KCNH5: variants seen among roughly 807,000 people sequenced by gnomAD.
KCNH5 encodes voltage-gated delayed rectifier potassium channel KCNH5.
A neutral mutation model predicts 96.1 loss-of-function variants in KCNH5; 46 were observed. That is an observed-to-expected ratio of 0.48 (90% CI 0.38 to 0.61). The LOEUF is 0.61. Among genes scored for constraint, KCNH5 ranks in the 20% least tolerant of loss-of-function variants. The probability of loss-of-function intolerance (pLI) is 0.00; values close to 1 mark genes in which losing one functional copy is unlikely to be tolerated. For missense variants in KCNH5, 907 were observed against 1,225.8 expected, an observed-to-expected ratio of 0.74 and a Z score of 3.88; for synonymous variants, 439 against 449.8, an observed-to-expected ratio of 0.98 and a Z score of 0.30.
chr14:62,913,307 A>G (rs558578383), intron 7 of KCNH5, among the ~76,000 whole-genome samples: 13 of 152,068 alleles, frequency 8.5e-5, no homozygotes, highest in Admixed American at 6.5e-4. Flanking sequence ...GGCTCACTGC[A>G]ACGTCCGCCT....
chr14:63,027,496 T>G (rs901158733), intron 1 of KCNH5, among the ~76,000 whole-genome samples: 20 of 147,050 alleles, frequency 1.4e-4, no homozygotes, highest in African/African-American at 4.8e-4. Flanking sequence ...AAAAAAAAAC[T>G]CTGAGTTGTT....
At chr14:63,044,995 C>A (rs1891895659) in intron 1 of KCNH5, 119 bp downstream of exon 1, 3 of 815,906 alleles carry the variant, frequency 3.7e-6, no homozygotes, top group Non-Finnish European at 6.1e-6. Flanking sequence ...TAAATGAAAC[C>A]ACCAGGTAAG....
Position 62,779,863 on chromosome 14 carries a change from C to T in KCNH5, c.1884G>A (p.Ala628=), listed in dbSNP as rs776100358. The part of the protein sequence containing the change: ...WKETTLAHAC[A]NVRALTYCDL... ...CACAGTACGTCAGTGCCCGGACGTT[C>T]GCACATGCATGGGCAAGGGTGGTTT... The change falls in exon 10 of 11, where the codon GCG becomes GCA. Residue 628 remains alanine, a synonymous_variant. Transcript: ENST00000322893. 3.4e-5 allele frequency: 55 copies of T among 1,613,428 alleles called. No homozygotes were observed. The highest frequency in any genetic ancestry group is 2.1e-4 in the African/African-American group (16 of 74,832).
Position 62,965,465 on chromosome 14 carries a change from T to C in KCNH5, c.943-14906A>G, listed in dbSNP as rs1437301297. On this transcript the variant is annotated intron_variant, in intron 6 of 10. Coordinates refer to ENST00000322893, the MANE Select transcript of KCNH5 (RefSeq NM_139318.5). Reference sequence around the variant, plus strand: ...CTCATATGTCTGCTTGTCCTTTGACTTTCTCCACAAGGTTATGATGCAGCA... The same window carrying C: ...CTCATATGTCTGCTTGTCCTTTGACCTTCTCCACAAGGTTATGATGCAGCA... 2.6e-5 allele frequency among the ~76,000 whole-genome samples: 4 copies of C among 152,140 alleles called. No homozygotes were observed. In the East Asian group the frequency reaches 5.8e-4, roughly 22 times the overall value.
intron 7 of KCNH5, among the ~76,000 whole-genome samples, chr14:62,907,727 A>G (rs931999027): frequency 7.9e-5 from 12 of 152,218 alleles, no homozygotes; most frequent in African/African-American, 2.9e-4. Context: ...CTGTGCACTC[A>G]TGGCCTTTCT....
chr14:62,963,264 G>A (rs1006850508), intron 6 of KCNH5, among the ~76,000 whole-genome samples: 1 of 152,086 alleles, frequency 6.6e-6, no homozygotes, highest in Non-Finnish European at 1.5e-5. Flanking sequence ...AGGTACGTCT[G>A]TATAGGAGAA....
chr14:62,737,437 T>TAG (rs1158465438), intron 10 of KCNH5, among the ~76,000 whole-genome samples: 1 of 152,182 alleles, frequency 6.6e-6, no homozygotes, highest in East Asian at 1.9e-4. Context: ...TTGCCTCACT[T>TAG]ACCTGGCATA....
At chr14:62,791,563 G>A (rs914974448) in intron 9 of KCNH5, among the ~76,000 whole-genome samples, 1 of 151,630 alleles carries the variant, frequency 6.6e-6, no homozygotes, top group Admixed American at 6.6e-5. Context: ...CACATGGGCT[G>A]AAAGTTAAAG....
rs192631266 is a variant in KCNH5 at position 62,752,391 on chromosome 14, C to G, written c.2019+27337G>C. 1.1e-3 allele frequency among the ~76,000 whole-genome samples: 164 copies of G among 152,104 alleles called. 1 individual carries two copies. The highest frequency in any genetic ancestry group is 3.7e-3 in the African/African-American group (155 of 41,502). Reference sequence around the variant, plus strand: ...GCTTGAACGCAGTGGGGAAGAGCATCAAGTGGGCTCTTGGGGTCCCAGATT... The same window carrying G: ...GCTTGAACGCAGTGGGGAAGAGCATGAAGTGGGCTCTTGGGGTCCCAGATT... On this transcript the variant is annotated intron_variant, in intron 10 of 10. Coordinates refer to ENST00000322893, the MANE Select transcript of KCNH5 (RefSeq NM_139318.5).
intron 7 of KCNH5, among the ~76,000 whole-genome samples, chr14:62,877,562 G>A (rs958628190): frequency 5.9e-5 from 9 of 152,138 alleles, no homozygotes; most frequent in Non-Finnish European, 1.3e-4. Flanking sequence ...CTCAAAACAA[G>A]ACATTTATGC....
intron 8 of KCNH5, among the ~76,000 whole-genome samples, chr14:62,849,000 T>TA (rs896446569): frequency 6.6e-6 from 1 of 152,202 alleles, no homozygotes; most frequent in African/African-American, 2.4e-5. Context: ...TGGTTTTATT[T>TA]ATTTTAAGGA....
chr14:62,929,957 C>T (rs1027716452), intron 7 of KCNH5, among the ~76,000 whole-genome samples: 1 of 152,072 alleles, frequency 6.6e-6, no homozygotes, highest in Admixed American at 6.6e-5. Context: ...CTGCAAAAGA[C>T]ATGATTTCAT....
chr14:62,779,556 T>A (rs1395421852), intron 10 of KCNH5, among the ~76,000 whole-genome samples, 172 bp downstream of exon 10: 1 of 152,226 alleles, frequency 6.6e-6, no homozygotes, highest in East Asian at 1.9e-4. Context: ...ATAGGGTTTT[T>A]TTCCTTAAAA....
intron 4 of KCNH5, among the ~76,000 whole-genome samples, chr14:62,995,384 A>C (rs1890888172): frequency 6.6e-6 from 1 of 152,078 alleles, no homozygotes; most frequent in Non-Finnish European, 1.5e-5. Flanking sequence ...AATTTTTATC[A>C]ATGAAGTATT....
intron 6 of KCNH5, among the ~76,000 whole-genome samples, 156 bp downstream of exon 6, chr14:62,980,716 T>C (rs556231870): frequency 6.6e-6 from 1 of 152,314 alleles, no homozygotes; most frequent in East Asian, 1.9e-4. Flanking sequence ...GAAAACTAAT[T>C]TAAGGTAATC....
chr14:62,865,334 A>T lies in KCNH5; in HGVS notation c.1370-15482T>A, dbSNP rs541362749. 2.7e-3 allele frequency among the ~76,000 whole-genome samples: 80 copies of T among 29,112 alleles called. 1 individual carries two copies. The East Asian group carries it at 0.041, about 15-fold the overall frequency. The allele number at this position is 29,112 out of a possible 152,430, so 19.1% of individuals were successfully genotyped here. A position where few individuals can be genotyped will look rare whatever the true frequency, so the allele number is the denominator to read the frequency against. On this transcript the variant is annotated intron_variant, in intron 7 of 10. Transcript: ENST00000322893. Reference sequence around the variant, plus strand: ...GGTGAATAAGGGTAAAATGCTATTTAAAAAAAAAAAAAAAAAAGCTTATTC... The same window carrying T: ...GGTGAATAAGGGTAAAATGCTATTTTAAAAAAAAAAAAAAAAAGCTTATTC...
chr14:63,012,905 C>T (rs942701254), intron 2 of KCNH5, among the ~76,000 whole-genome samples: 3 of 150,104 alleles, frequency 2.0e-5, no homozygotes, highest in Non-Finnish European at 4.4e-5. Context: ...AAGCAGAAGA[C>T]AGATTAGAAA....
chr14:62,938,339 T>C (rs948530508), intron 7 of KCNH5, among the ~76,000 whole-genome samples: 22 of 152,310 alleles, frequency 1.4e-4, no homozygotes, highest in African/African-American at 5.3e-4. Context: ...GCTACCACCA[T>C]GTGCCTGGTA....
At chr14:62,975,137 A>G (rs190457518) in intron 6 of KCNH5, among the ~76,000 whole-genome samples, 37 of 152,330 alleles carry the variant, frequency 2.4e-4, no homozygotes, top group Admixed American at 1.8e-3. Flanking sequence ...GTCCTAGACA[A>G]GGCACAAGAC....
Sources: allele counts gnomAD v4.1 joint callset (sites outside exome capture counted in the v4.1 genomes callset), GRCh38; gene constraint gnomAD v4.1.1; transcripts MANE v1.5; gene names NCBI Gene and HGNC (gene_info 2026-07-23, HGNC 2026-07-21).